Variants in FKBP1B observed in about 807,000 individuals in gnomAD.
FKBP1B encodes FKBP prolyl isomerase 1B.
In FKBP1B, 4 loss-of-function variants were observed where a neutral mutation model predicts 13.5. That is an observed-to-expected ratio of 0.30 (90% CI 0.15 to 0.68). The LOEUF (loss-of-function observed/expected upper bound fraction) is 0.68. FKBP1B is among the 30% of genes least tolerant of loss of function. The probability of loss-of-function intolerance (pLI) is 0.76; values close to 1 mark genes in which losing one functional copy is unlikely to be tolerated. For synonymous variants in FKBP1B, 54 were observed against 53.6 expected, an observed-to-expected ratio of 1.01 and a Z score of -0.03; for missense variants, 93 against 136.2, an observed-to-expected ratio of 0.68 and a Z score of 1.58.
the FKBP1B span, among the ~76,000 whole-genome samples, chr2:24,036,289 T>C: frequency 6.6e-6 from 1 of 151,558 alleles, no homozygotes; most frequent in Admixed American, 6.6e-5. Flanking sequence ...GACTATCACT[T>C]GAGCCCAGGA....
At chr2:24,048,508 G>C (rs1663706568), upstream of FKBP1B, among the ~76,000 whole-genome samples, 1 of 151,422 alleles carries the variant, frequency 6.6e-6, no homozygotes, top group African/African-American at 2.4e-5. Context: ...GAGAGAGACG[G>C]GATCTCGCTA....
intron 3 of FKBP1B, among the ~76,000 whole-genome samples, chr2:24,062,325 A>G (rs1434947473): frequency 6.6e-6 from 1 of 152,120 alleles, no homozygotes; most frequent in East Asian, 1.9e-4. Flanking sequence ...GGTGTGCACC[A>G]TCACCATCAC....
chr2:24,048,175 TTTC>T (rs1444833523), upstream of FKBP1B, among the ~76,000 whole-genome samples: 1 of 152,116 alleles, frequency 6.6e-6, no homozygotes, highest in Non-Finnish European at 1.5e-5. Flanking sequence ...TTCTTTTTCT[TTTC>T]TTTTCTTTTT....
chr2:24,043,699 T>A, the FKBP1B span, among the ~76,000 whole-genome samples: 1 of 152,216 alleles, frequency 6.6e-6, no homozygotes, highest in South Asian at 2.1e-4. Context: ...TGCTTCCCTG[T>A]CACTGAATCT....
At chr2:24,038,942 C>T in the FKBP1B span, 6 of 1,614,082 alleles carry the variant, frequency 3.7e-6, no homozygotes, top group African/African-American at 2.7e-5. Flanking sequence ...TGAGCGCTGT[C>T]CCAAATATAA....
At chr2:24,051,493 C>T (rs1274928275) in intron 1 of FKBP1B, among the ~76,000 whole-genome samples, 1 of 152,154 alleles carries the variant, frequency 6.6e-6, no homozygotes, top group Non-Finnish European at 1.5e-5. Context: ...TGTCCTAAGC[C>T]CACCACTAAC....
chr2:24,038,715 C>G, the FKBP1B span: 16 of 1,614,160 alleles, frequency 9.9e-6, no homozygotes, highest in African/African-American at 1.3e-5. Context: ...CCTCTTTATC[C>G]ATAGAGCGTA....
At chr2:24,061,473 A>G (rs1040233668) in intron 3 of FKBP1B, among the ~76,000 whole-genome samples, 49 of 152,122 alleles carry the variant, frequency 3.2e-4, no homozygotes, top group Non-Finnish European at 1.0e-4. Context: ...ACAAAAAAAT[A>G]AACTAGCTGA....
intron 2 of FKBP1B, 65 bp from the exon 3 acceptor site, chr2:24,060,749 T>A: frequency 8.6e-7 from 1 of 1,158,186 alleles, no homozygotes; most frequent in Admixed American, 1.7e-5. Context: ...TTTAGACATG[T>A]GGAATCTGAA....
the FKBP1B span, chr2:24,039,365 C>T: frequency 3.7e-6 from 6 of 1,614,142 alleles, no homozygotes; most frequent in Non-Finnish European, 4.2e-6. Flanking sequence ...TTGACCTCTC[C>T]ACTGTGAAGC....
chr2:24,038,623 T>C, the FKBP1B span: 6 of 1,614,182 alleles, frequency 3.7e-6, no homozygotes, highest in Admixed American at 1.7e-5. Flanking sequence ...CTTATGTTGA[T>C]TGAAATGTAT....
upstream of FKBP1B, among the ~76,000 whole-genome samples, chr2:24,046,788 C>T (rs973139494): frequency 6.6e-6 from 1 of 152,162 alleles, no homozygotes; most frequent in Non-Finnish European, 1.5e-5. Flanking sequence ...TGACTAATCC[C>T]TCTAGACTCT....
chr2:24,057,267 C>T (rs79055959), intron 2 of FKBP1B, among the ~76,000 whole-genome samples: 2,870 of 152,114 alleles, frequency 0.019, 39 homozygotes, highest in Non-Finnish European at 0.031. Flanking sequence ...GGGATCATGG[C>T]TCACTGCAGC....
chr2:24,040,821 A>G, the FKBP1B span, among the ~76,000 whole-genome samples: 3 of 152,138 alleles, frequency 2.0e-5, no homozygotes, highest in Admixed American at 2.0e-4. Flanking sequence ...GTTCGATCCC[A>G]GCCTGACCAA....
chr2:24,061,879 G>GT (rs67182390), intron 3 of FKBP1B, among the ~76,000 whole-genome samples: 17,972 of 150,882 alleles, frequency 0.12, 1,234 homozygotes, highest in South Asian at 0.18. Context: ...TGTTTTTGGT[G>GT]TTTTTTTTTA....
At chr2:24,038,649 A>G in the FKBP1B span, 1 of 1,614,168 alleles carries the variant, frequency 6.2e-7, no homozygotes, top group Non-Finnish European at 8.5e-7. Flanking sequence ...TTAGATCCAG[A>G]GGTTCTAAAT....
At chr2:24,040,357 A>G in the FKBP1B span, among the ~76,000 whole-genome samples, 1 of 152,262 alleles carries the variant, frequency 6.6e-6, no homozygotes, top group African/African-American at 2.4e-5. Flanking sequence ...CTTTTAAGTT[A>G]GAAAATTTTC....
At chr2:24,037,549 T>G in the FKBP1B span, 1 of 1,095,960 alleles carries the variant, frequency 9.1e-7, no homozygotes. Flanking sequence ...AACTTGCCTG[T>G]AACATAACAT....
rs145209828 is a variant in FKBP1B, at chr2:24,055,712, T to C, written c.85+1763T>C. Among the ~76,000 whole-genome samples, 176 of 152,350 alleles carry C rather than the reference T, an allele frequency of 1.2e-3. 1 individual carries two copies. The highest frequency in any genetic ancestry group is 4.2e-3 in the African/African-American group (173 of 41,580). On this transcript the variant is annotated intron_variant, in intron 2 of 3. Transcript: ENST00000380986. ...TGCAATTTATGTATCCTCTCTACCG[T>C]TGATGAACATTTGGGTTGTTCATAG...
Sources: allele counts gnomAD v4.1 joint callset (sites outside exome capture counted in the v4.1 genomes callset), GRCh38; gene constraint gnomAD v4.1.1; transcripts MANE v1.5; gene names NCBI Gene and HGNC (gene_info 2026-07-23, HGNC 2026-07-21).